Variants in STPG2 observed in about 807,000 individuals in gnomAD.
STPG2 encodes the protein sperm-tail PG-rich repeat-containing protein 2.
STPG2 carries 56 observed loss-of-function variants against 54.2 expected under a neutral mutation model. The observed-to-expected ratio is 1.03, with a 90% confidence interval of 0.83 to 1.29. The LOEUF (loss-of-function observed/expected upper bound fraction) is 1.29, where lower values mean the gene tolerates loss of function less well. STPG2 is among the 50% of genes most tolerant of loss of function. The probability of loss-of-function intolerance (pLI) is 0.00; values close to 1 mark genes in which losing one functional copy is unlikely to be tolerated. For synonymous variants in STPG2, 200 were observed against 181.8 expected, an observed-to-expected ratio of 1.10 and a Z score of -0.81; for missense variants, 596 against 544.9, an observed-to-expected ratio of 1.09 and a Z score of -0.93.
At chr4:98,083,189 T>C (rs778942523) in intron 5 of STPG2, among the ~76,000 whole-genome samples, 3 of 151,994 alleles carry the variant, frequency 2.0e-5, no homozygotes, top group Non-Finnish European at 4.4e-5. Context: ...ATCAGTCCCA[T>C]CTCAGAAAAC....
chr4:97,917,609 A>G (rs1427800996), intron 8 of STPG2, among the ~76,000 whole-genome samples: 1 of 152,212 alleles, frequency 6.6e-6, no homozygotes, highest in African/African-American at 2.4e-5. Context: ...TTTCAAATAG[A>G]TACAATAAAC....
At chr4:97,630,117 T>C (rs1304428954) in intron 10 of STPG2, among the ~76,000 whole-genome samples, 1 of 151,914 alleles carries the variant, frequency 6.6e-6, no homozygotes, top group Admixed American at 6.6e-5. Context: ...AAAATAATAA[T>C]GGGACTCATT....
intron 10 of STPG2, among the ~76,000 whole-genome samples, chr4:97,694,246 G>C (rs990282398): frequency 2.0e-4 from 30 of 151,982 alleles, no homozygotes; most frequent in Non-Finnish European, 1.5e-5. Flanking sequence ...TCTTTGAAAA[G>C]ATAAATATAA....
chr4:97,630,034 C>T (rs1328813418), intron 10 of STPG2, among the ~76,000 whole-genome samples: 1 of 151,926 alleles, frequency 6.6e-6, no homozygotes, highest in African/African-American at 2.4e-5. Flanking sequence ...GTATTAAGCA[C>T]CAGCTGTTAG....
intron 4 of STPG2, among the ~76,000 whole-genome samples, chr4:97,480,465 GC>G (rs754956922): frequency 1.4e-4 from 21 of 151,412 alleles, no homozygotes; most frequent in Non-Finnish European, 1.9e-4. Flanking sequence ...ATTTTAAGAG[GC>G]CTGTAATACC....
intron 9 of STPG2, among the ~76,000 whole-genome samples, chr4:97,745,842 C>T (rs1560512101): frequency 6.6e-6 from 1 of 151,022 alleles, no homozygotes; most frequent in African/African-American, 2.4e-5. Context: ...AGAAGACTAA[C>T]AAAATAAAAG....
In STPG2 at chr4:97,624,096, C is replaced by T. The variant is rs1294259905; in HGVS notation, c.1321-64979G>A. 5.9e-5 allele frequency among the ~76,000 whole-genome samples: 9 copies of T among 152,044 alleles called. No individual in the cohort carries two copies. In the East Asian group the frequency reaches 1.2e-3, roughly 20 times the overall value. ...ATACTGTGAATAGTGGTGCAGTGAA[C>T]GTATATGTAGAAGAATCTTTGTAAT... On this transcript the variant is annotated intron_variant, in intron 10 of 10. Transcript: ENST00000295268.
intron 4 of STPG2, among the ~76,000 whole-genome samples, chr4:97,553,114 T>C (rs992217393): frequency 1.3e-5 from 2 of 152,206 alleles, no homozygotes; most frequent in South Asian, 4.1e-4. Context: ...TTCTCTACTA[T>C]GGTAGCAGTT....
At chr4:97,805,947 T>G (rs1366823128) in intron 9 of STPG2, among the ~76,000 whole-genome samples, 1 of 152,156 alleles carries the variant, frequency 6.6e-6, no homozygotes, top group Non-Finnish European at 1.5e-5. Context: ...AGTTTGGAGA[T>G]TTCTCAAAGA....
chr4:98,114,713 T>TGC (rs1173089490), intron 3 of STPG2, among the ~76,000 whole-genome samples: 5 of 109,504 alleles, frequency 4.6e-5, no homozygotes, highest in South Asian at 3.3e-4. Flanking sequence ...TATGTGTACA[T>TGC]GTGCACACAC....
In STPG2 at chr4:97,559,209, G is replaced by T. The variant is rs188672070; in HGVS notation, c.1321-92C>A. On this transcript the variant is annotated intron_variant, in intron 10 of 10. Coordinates refer to ENST00000295268, the MANE Select transcript of STPG2 (RefSeq NM_174952.3). ...TATTTAAACATTACCAAAGAATAAC[G>T]ATTCTTACAAAATTAGAAGTTAAAT... 2.4e-3 allele frequency: 1,908 copies of T among 800,678 alleles called. 6 individuals are homozygous for T. The highest frequency in any genetic ancestry group is 3.3e-3 in the Non-Finnish European group (1,641 of 499,876). 49.6% of individuals were successfully genotyped at this position (800,678 alleles called of 1,614,324 possible). A position where few individuals can be genotyped will look rare whatever the true frequency, so the allele number is the denominator to read the frequency against.
At chr4:98,054,144 G>C (rs1000197242) in intron 5 of STPG2, among the ~76,000 whole-genome samples, 2 of 151,998 alleles carry the variant, frequency 1.3e-5, no homozygotes, top group Non-Finnish European at 2.9e-5. Flanking sequence ...AAACAGCTTA[G>C]GTCATGCTCC....
chr4:97,482,650 G>T (rs1730252098), intron 4 of STPG2, among the ~76,000 whole-genome samples: 1 of 151,536 alleles, frequency 6.6e-6, no homozygotes, highest in African/African-American at 2.4e-5. Context: ...AATAATCAAA[G>T]AAAACTTCCC....
chr4:97,703,531 TAA>T (rs938243894), intron 10 of STPG2, among the ~76,000 whole-genome samples: 9 of 141,334 alleles, frequency 6.4e-5, no homozygotes, highest in South Asian at 2.1e-4. Context: ...ATACTATATA[TAA>T]GTCTATATAC....
chr4:98,049,531 T>G (rs1737246730), intron 5 of STPG2, among the ~76,000 whole-genome samples: 1 of 152,180 alleles, frequency 6.6e-6, no homozygotes, highest in African/African-American at 2.4e-5. Flanking sequence ...ACACATATAT[T>G]TAACTCTATG....
At chr4:97,887,501 C>A (rs931669180) in intron 8 of STPG2, among the ~76,000 whole-genome samples, 2 of 152,158 alleles carry the variant, frequency 1.3e-5, no homozygotes, top group African/African-American at 4.8e-5. Context: ...TTTAGGGTAT[C>A]TAACAGAAGA....
intron 5 of STPG2, among the ~76,000 whole-genome samples, chr4:98,089,846 T>C (rs901694974): frequency 6.6e-6 from 1 of 152,152 alleles, no homozygotes; most frequent in Non-Finnish European, 1.5e-5. Flanking sequence ...TTGTCTATCT[T>C]CTTTTGATAA....
intron 9 of STPG2, among the ~76,000 whole-genome samples, chr4:97,822,749 A>T (rs1368359122): frequency 1.6e-4 from 24 of 152,168 alleles, no homozygotes; most frequent in Admixed American, 1.6e-3. Flanking sequence ...ACACTTTTAA[A>T]TGACCAGATC....
intron 10 of STPG2, among the ~76,000 whole-genome samples, chr4:97,608,144 C>A (rs1408514484): frequency 2.0e-5 from 3 of 151,890 alleles, no homozygotes; most frequent in Non-Finnish European, 2.9e-5. Context: ...CAAGTGCAGT[C>A]GAGTCAGTTT....
Sources: allele counts gnomAD v4.1 joint callset (sites outside exome capture counted in the v4.1 genomes callset), GRCh38; gene constraint gnomAD v4.1.1; transcripts MANE v1.5; gene names NCBI Gene and HGNC (gene_info 2026-07-23, HGNC 2026-07-21).